The following DDX4 variants were observed in gnomAD, a reference collection of about 807,000 sequenced individuals.
DDX4 encodes probable ATP-dependent RNA helicase DDX4.
Under a neutral mutation model 100.0 loss-of-function variants are expected in DDX4, and 25 were observed. That is an observed-to-expected ratio of 0.25 (90% confidence interval 0.18 to 0.35). The LOEUF (loss-of-function observed/expected upper bound fraction) is 0.35, where lower values mean the gene tolerates loss of function less well. DDX4 is among the 10% of genes least tolerant of loss of function. The pLI, the probability that DDX4 is intolerant of heterozygous loss-of-function variation, is 1.00. For missense variants in DDX4, 635 were observed against 882.4 expected, an observed-to-expected ratio of 0.72 and a Z score of 3.55; for synonymous variants, 259 against 275.7, an observed-to-expected ratio of 0.94 and a Z score of 0.60.
At position 55,739,776 on chromosome 5, in the gene DDX4, A is replaced by G. The variant is rs1012288953; in HGVS notation, c.69+744A>G. On this transcript the variant is annotated intron_variant, in intron 2 of 21. Coordinates refer to ENST00000505374, the MANE Select transcript of DDX4 (RefSeq NM_024415.3). The stretch of plus-strand genomic sequence containing the variant: ...TTTTAGACAAAAATATAAAATATGC[A>G]ATCTTTTGTCTTAGTTGAATTTGAT... Among the ~76,000 whole-genome samples, 6 of 152,300 alleles carry G rather than the reference A, an allele frequency of 3.9e-5. No homozygotes were observed. The East Asian group carries it at 1.2e-3, about 29-fold the overall frequency.
intron 2 of DDX4, among the ~76,000 whole-genome samples, chr5:55,743,831 AAGTTCC>A (rs1010796524): frequency 3.3e-5 from 5 of 151,828 alleles, no homozygotes; most frequent in Admixed American, 2.0e-4. Context: ...GTGGGATATT[AAGTTCC>A]ATAGCTTGAA....
rs964662280 is a variant in DDX4 at position 55,738,105 on chromosome 5, A to G, written c.-15+4A>G. On this transcript the variant is annotated splice_donor_region_variant and intron_variant, in intron 1 of 21. Transcript: ENST00000505374. ...TGGGAGAGCAAGCCGCGGAGAGGTGAGTGGGCCGCTTTTCTACGGGAACTG... is the reference window on the plus strand; with the variant it reads ...TGGGAGAGCAAGCCGCGGAGAGGTGGGTGGGCCGCTTTTCTACGGGAACTG... 6.6e-6 allele frequency: 1 copy of G among 152,388 alleles called. No individual in the cohort carries two copies. The highest frequency in any genetic ancestry group is 2.4e-5 in the African/African-American group (1 of 41,578). 9.4% of individuals were successfully genotyped at this position (152,388 alleles called of 1,614,324 possible). A position where few individuals can be genotyped will look rare whatever the true frequency, so the allele number is the denominator to read the frequency against.
chr5:55,756,702 T>C (rs1375398601), intron 3 of DDX4, among the ~76,000 whole-genome samples: 1 of 152,166 alleles, frequency 6.6e-6, no homozygotes, highest in African/African-American at 2.4e-5. Flanking sequence ...TGTAACTATA[T>C]TGAGAGATAT....
intron 7 of DDX4, among the ~76,000 whole-genome samples, chr5:55,774,842 T>A (rs146967323): frequency 9.2e-5 from 14 of 152,318 alleles, no homozygotes; most frequent in Middle Eastern, 3.4e-3. Context: ...ATTTATAGAT[T>A]AATAGTTTTC....
intron 18 of DDX4, among the ~76,000 whole-genome samples, chr5:55,802,850 A>C (rs549855242): frequency 1.3e-5 from 2 of 152,310 alleles, no homozygotes; most frequent in African/African-American, 2.4e-5. Context: ...GCTACTGATA[A>C]ATTTTTTTCT....
Position 55,756,930 on chromosome 5 carries a change from A to G in DDX4, c.128-3270A>G, listed in dbSNP as rs185485620. ...CCGTGATATATATCAATGACAGCATATCATTACATTCATGAAAGTGAATGT... is the reference window on the plus strand; with the variant it reads ...CCGTGATATATATCAATGACAGCATGTCATTACATTCATGAAAGTGAATGT... On this transcript the variant is annotated intron_variant, in intron 3 of 21. Transcript: ENST00000505374. Among the ~76,000 whole-genome samples, 244 of 152,294 alleles carry G rather than the reference A, an allele frequency of 1.6e-3. 1 individual carries two copies. Among genetic ancestry groups the G allele is most frequent in the Non-Finnish European group, 4.4e-4 (30 of 68,018 alleles).
chr5:55,811,586 T>C (rs987967128), intron 18 of DDX4, among the ~76,000 whole-genome samples: 1 of 152,216 alleles, frequency 6.6e-6, no homozygotes, highest in Admixed American at 6.5e-5. Context: ...CTACTTTTTT[T>C]CCTTGAAGCA....
chr5:55,791,023 G>A (rs902228116), intron 16 of DDX4, among the ~76,000 whole-genome samples: 1 of 152,086 alleles, frequency 6.6e-6, no homozygotes, highest in East Asian at 1.9e-4. Context: ...ATCCCACTAC[G>A]CTGGGGGAAA....
At chr5:55,801,885 A>G (rs67689203) in intron 18 of DDX4, among the ~76,000 whole-genome samples, 8,860 of 152,230 alleles carry the variant, frequency 0.058, 343 homozygotes, top group African/African-American at 0.11. Flanking sequence ...TGCAGTACCT[A>G]TAAATTGGAG....
intron 18 of DDX4, among the ~76,000 whole-genome samples, chr5:55,807,094 T>C (rs1408578280): frequency 6.6e-6 from 1 of 152,222 alleles, no homozygotes; most frequent in Non-Finnish European, 1.5e-5. Context: ...CTTTGTCTCT[T>C]TTGTTCTTTT....
chr5:55,742,215 G>T (rs1360942831), intron 2 of DDX4: 1 of 456,168 alleles, frequency 2.2e-6, no homozygotes, highest in Non-Finnish European at 4.4e-6. Context: ...CACGTTGCCT[G>T]CAGGCTTATT....
intron 3 of DDX4, among the ~76,000 whole-genome samples, chr5:55,758,058 CAAAA>C (rs753316106): frequency 3.9e-5 from 6 of 151,954 alleles, no homozygotes; most frequent in Non-Finnish European, 7.4e-5. Context: ...CAAGACAAAA[CAAAA>C]AAATTCTCAT....
At chr5:55,765,405 A>ATATATATATAT (rs1554076953) in intron 6 of DDX4, among the ~76,000 whole-genome samples, 1 of 100,346 alleles carries the variant, frequency 1.0e-5, no homozygotes, top group East Asian at 3.1e-4. Context: ...TAAAAAAAAA[A>ATATATATATAT]AAAAAAAAAT....
intron 18 of DDX4, among the ~76,000 whole-genome samples, chr5:55,808,367 C>T (rs182117083): frequency 3.5e-4 from 53 of 152,340 alleles, no homozygotes; most frequent in Admixed American, 9.8e-4. Context: ...TGAGGAGCTG[C>T]GTTCCTTTGG....
At chr5:55,772,857 C>T (rs1164839788) in intron 7 of DDX4, among the ~76,000 whole-genome samples, 2 of 152,152 alleles carry the variant, frequency 1.3e-5, no homozygotes, top group Non-Finnish European at 2.9e-5. Context: ...GCCAAATAAA[C>T]CTTTTTTTTC....
chr5:55,781,208 A>G, intron 9 of DDX4, 62 bp downstream of exon 9: 3 of 1,323,250 alleles, frequency 2.3e-6, no homozygotes, highest in Non-Finnish European at 3.2e-6. Flanking sequence ...CACTAGGATT[A>G]GTAAACCTAA....
intron 16 of DDX4, among the ~76,000 whole-genome samples, chr5:55,792,242 G>A (rs528092006): frequency 7.3e-5 from 11 of 151,370 alleles, no homozygotes; most frequent in Admixed American, 7.2e-4. Flanking sequence ...TTTTAAAAAT[G>A]CTTTATAACA....
rs965137001 is a variant in DDX4 at position 55,798,666 on chromosome 5, A to G, written c.1615+95A>G. On this transcript the variant is annotated intron_variant, in intron 18 of 21. Transcript: ENST00000505374. ...AAAGAATTGTTTGGTCTGACTTTTC[A>G]TAAGTTTGTTTTAAGTCTCTCTCCC... The G allele has an allele frequency of 4.3e-5, 54 of 1,242,874 alleles. No individual in the cohort carries two copies. In the African/African-American group the frequency reaches 6.8e-4, roughly 16 times the overall value. The allele number at this position is 1,242,874 out of a possible 1,614,324, so 77.0% of individuals were successfully genotyped here. A position where few individuals can be genotyped will look rare whatever the true frequency, so the allele number is the denominator to read the frequency against.
chr5:55,762,854 G>C (rs571126265), intron 4 of DDX4, among the ~76,000 whole-genome samples: 1 of 152,112 alleles, frequency 6.6e-6, no homozygotes, highest in Admixed American at 6.6e-5. Flanking sequence ...AGGGCAGAGC[G>C]TAATAGCTGG....
Sources: gnomAD v4.1 joint callset for allele counts (sites outside exome capture counted in the v4.1 genomes callset) on GRCh38, gnomAD v4.1.1 for gene constraint, MANE v1.5 for transcripts, NCBI Gene and HGNC (gene_info 2026-07-23, HGNC 2026-07-21) for gene names.